The following RAB40B variants were observed in gnomAD, a reference collection of about 807,000 sequenced individuals.
The protein encoded by RAB40B is RAB40B, member RAS oncogene family, also known as ras-related protein Rab-40B.
RAB40B carries 21 observed loss-of-function variants against 24.0 expected under a neutral mutation model. The observed-to-expected ratio is 0.88, with a 90% CI of 0.62 to 1.26. The LOEUF (loss-of-function observed/expected upper bound fraction) is 1.26. Among genes scored for constraint, RAB40B ranks in the 50% most tolerant of loss-of-function variants. RAB40B has a pLI of 0.00. For synonymous variants in RAB40B, 167 were observed against 169.8 expected (o/e 0.98, Z 0.13); for missense variants, 348 against 390.5 (o/e 0.89, Z 0.92).
In RAB40B at chr17:82,694,313, T is replaced by A. The variant is rs2046587260; in HGVS notation, c.142+4142A>T. 2.0e-5 allele frequency among the ~76,000 whole-genome samples: 3 copies of A among 151,518 alleles called. No homozygotes were observed. The South Asian group carries it at 6.2e-4, about 31-fold the overall frequency. On this transcript the variant is annotated intron_variant, in intron 1 of 5. Coordinates refer to ENST00000571995, the MANE Select transcript of RAB40B (RefSeq NM_006822.3). Reference sequence around the variant, plus strand: ...GGGAGGCTGAGCTAAGCAGATCACCTGAGGTTAGGGGTTCGAGACCACCCT... The same window carrying A: ...GGGAGGCTGAGCTAAGCAGATCACCAGAGGTTAGGGGTTCGAGACCACCCT...
At chr17:82,676,134 C>G (rs1254472896) in intron 1 of RAB40B, among the ~76,000 whole-genome samples, 1 of 152,168 alleles carries the variant, frequency 6.6e-6, no homozygotes, top group East Asian at 1.9e-4. Context: ...GTGGGACGCA[C>G]TCACCACAGC....
intron 3 of RAB40B, among the ~76,000 whole-genome samples, chr17:82,660,494 C>T (rs548517246): frequency 2.8e-4 from 42 of 152,146 alleles, no homozygotes; most frequent in African/African-American, 9.4e-4. Context: ...TGTACACATA[C>T]ACGCACATGC....
intron 1 of RAB40B, among the ~76,000 whole-genome samples, chr17:82,687,670 G>A (rs1350802560): frequency 3.9e-5 from 6 of 152,222 alleles, no homozygotes; most frequent in Non-Finnish European, 8.8e-5. Context: ...GCCAGCTTCT[G>A]TGAGAGGTGC....
Position 82,663,975 on chromosome 17 carries a change from G to A in RAB40B, c.203+521C>T, listed in dbSNP as rs1033023809. Among the ~76,000 whole-genome samples, 80 of 151,442 alleles carry A rather than the reference G, an allele frequency of 5.3e-4. No homozygotes were observed. The highest frequency in any genetic ancestry group is 1.9e-3 in the African/African-American group (77 of 41,280). On this transcript the variant is annotated intron_variant, in intron 2 of 5. Transcript: ENST00000571995. This position sits in a 1 kb window ranked among gnomAD's most constrained non-coding sequence, Gnocchi z 6.2. ...GGCTGGGGGTGCTCCCCGGGGCGCT[G>A]TGCCGACGGTGGTGGTGGGAGGGTG... is the stretch of plus-strand genomic sequence containing the variant.
At chr17:82,689,339 G>A (rs1260353360) in intron 1 of RAB40B, among the ~76,000 whole-genome samples, 2 of 152,268 alleles carry the variant, frequency 1.3e-5, no homozygotes, top group Non-Finnish European at 2.9e-5. Flanking sequence ...ACAGGCTGGT[G>A]ACAGGGGACT....
At chr17:82,680,915 A>T (rs1367424733) in intron 1 of RAB40B, among the ~76,000 whole-genome samples, 1 of 148,408 alleles carries the variant, frequency 6.7e-6, no homozygotes, top group Non-Finnish European at 1.5e-5. Flanking sequence ...CTGTAGTCCC[A>T]GCTACTCAGG....
At position 82,661,045 on chromosome 17, in the gene RAB40B, T is replaced by A; in HGVS notation, c.206A>T (p.Asp69Val). Residue 69 changes from aspartate (D) to valine (V), a missense_variant and splice_region_variant, in exon 3 of 6, where the codon GAT becomes GTT. By Grantham distance (152) the Asp-to-Val change is radical. This residue lies in a region of RAB40B where 126 missense variants were observed against 181.0 expected (regional missense o/e 0.70). Coordinates refer to ENST00000571995, the MANE Select transcript of RAB40B (RefSeq NM_006822.3). Reference sequence around the variant, plus strand: ...ACAAAATCTTCCCTGGCCTGAAGTATCCCTGGAAAAGATGTTGGAGACCAT... The same window carrying A: ...ACAAAATCTTCCCTGGCCTGAAGTAACCCTGGAAAAGATGTTGGAGACCAT... ...DGRRVKLQLW[D>V]TSGQGRFCTI... 6.2e-7 allele frequency: 1 copy of A among 1,613,958 alleles called. No homozygotes were observed. The highest frequency in any genetic ancestry group is 8.5e-7 in the Non-Finnish European group (1 of 1,179,952).
At chr17:82,689,013 G>C (rs1479130344) in intron 1 of RAB40B, among the ~76,000 whole-genome samples, 2 of 152,240 alleles carry the variant, frequency 1.3e-5, no homozygotes, top group African/African-American at 2.4e-5. Flanking sequence ...GGATGCTGTT[G>C]TTCTTTTCAG....
intron 1 of RAB40B, among the ~76,000 whole-genome samples, chr17:82,691,176 C>T (rs569344842): frequency 6.6e-6 from 1 of 152,298 alleles, no homozygotes; most frequent in African/African-American, 2.4e-5. Context: ...GATGATTCCC[C>T]CTCTCAGTAA....
Position 82,698,634 on chromosome 17 carries a change from G to T in RAB40B, c.-38C>A. 7 of 1,340,370 alleles carry T rather than the reference G, an allele frequency of 5.2e-6. No individual in the cohort carries two copies. Among genetic ancestry groups the T allele is most frequent in the South Asian group, 1.8e-5 (1 of 56,620 alleles). The allele number at this position is 1,340,370 out of a possible 1,614,324, so 83.0% of individuals were successfully genotyped here. On this transcript the variant is annotated 5_prime_UTR_variant, in exon 1 of 6. Coordinates refer to ENST00000571995, the MANE Select transcript of RAB40B (RefSeq NM_006822.3). ...GCGCCCCCACCCATGCCCGGCCTGC[G>T]GGGCTGAGCGCAGAGGCGGCGGCCC... is the stretch of plus-strand genomic sequence containing the variant.
In RAB40B at chr17:82,658,104, G is replaced by T; in HGVS notation, c.596C>A (p.Ala199Glu). The change falls in exon 6 of 6, where the codon GCG becomes GAG. Residue 199 changes from alanine to glutamate, a missense_variant. Ala to Glu is a moderately radical substitution (Grantham distance 107). Around this residue, in one of 3 missense-constraint regions of RAB40B, gnomAD observed 121 missense variants for 124.0 expected, o/e 0.98. Coordinates refer to ENST00000571995, the MANE Select transcript of RAB40B (RefSeq NM_006822.3). ...GTGCACCGGCGTGCAGGACACGACC[G>T]CCCGGCAGCAGAGGTCTTGCAAGCT... ...VLSLQDLCCR[A>E]VVSCTPVHLV... 9 of 1,614,126 alleles carry T rather than the reference G, an allele frequency of 5.6e-6. No homozygotes were observed. Among genetic ancestry groups the T allele is most frequent in the Non-Finnish European group, 7.6e-6 (9 of 1,180,016 alleles).
intron 1 of RAB40B, among the ~76,000 whole-genome samples, chr17:82,685,787 A>G (rs932094033): frequency 2.0e-4 from 30 of 150,050 alleles, no homozygotes; most frequent in Admixed American, 6.7e-5. Context: ...ATTCGGAAAC[A>G]GGATCTCTTC....
At position 82,661,054 on chromosome 17, in the gene RAB40B, A is replaced by G; in HGVS notation, c.204-7T>C. On this transcript the variant is annotated splice_polypyrimidine_tract_variant and splice_region_variant and intron_variant, in intron 2 of 5. Transcript: ENST00000571995. ...TCCCTGGCCTGAAGTATCCCTGGAA[A>G]AGATGTTGGAGACCATTAAGAAGAA... 1 of 1,613,926 alleles carries G rather than the reference A, an allele frequency of 6.2e-7. No individual in the cohort carries two copies. The highest frequency in any genetic ancestry group is 8.5e-7 in the Non-Finnish European group (1 of 1,179,950).
intron 1 of RAB40B, among the ~76,000 whole-genome samples, chr17:82,677,406 C>T (rs960792056): frequency 6.6e-6 from 1 of 152,196 alleles, no homozygotes; most frequent in Non-Finnish European, 1.5e-5. Context: ...TGGTTTCTCC[C>T]GTCCCAACAG....
At chr17:82,673,504 G>GA (rs2046361347) in intron 1 of RAB40B, among the ~76,000 whole-genome samples, 1 of 152,194 alleles carries the variant, frequency 6.6e-6, no homozygotes, top group Non-Finnish European at 1.5e-5. Flanking sequence ...GTGCATGGAA[G>GA]AAGGTAGTAT....
intron 5 of RAB40B, 155 bp downstream of exon 5, chr17:82,658,336 G>C: frequency 9.3e-7 from 1 of 1,080,942 alleles, no homozygotes; most frequent in Non-Finnish European, 1.3e-6. Context: ...TTCTGACAAA[G>C]CTGTAGTCAT....
chr17:82,688,953 T>A (rs1464811169), intron 1 of RAB40B, among the ~76,000 whole-genome samples: 2 of 152,290 alleles, frequency 1.3e-5, no homozygotes, highest in East Asian at 3.9e-4. Flanking sequence ...TTAAAAATTG[T>A]TTTGTTTGAT....
rs1225249087 is a variant in RAB40B, at chr17:82,663,423, C to T, written c.203+1073G>A. Among the ~76,000 whole-genome samples the T allele has an allele frequency of 1.3e-5, 2 of 151,986 alleles. No individual in the cohort carries two copies. The highest frequency in any genetic ancestry group is 2.9e-5 in the Non-Finnish European group (2 of 67,930). The stretch of plus-strand genomic sequence containing the variant: ...GCCCCAGGATGAGGCACCGCAGGAG[C>T]CCCCCATCCCCACCGCCCCAGAGCT... On this transcript the variant is annotated intron_variant, in intron 2 of 5. Coordinates refer to ENST00000571995, the MANE Select transcript of RAB40B (RefSeq NM_006822.3). This position sits in a 1 kb window ranked among gnomAD's most constrained non-coding sequence, Gnocchi z 6.2.
At chr17:82,676,479 C>T (rs1267861230) in intron 1 of RAB40B, among the ~76,000 whole-genome samples, 1 of 151,096 alleles carries the variant, frequency 6.6e-6, no homozygotes, top group Non-Finnish European at 1.5e-5. Flanking sequence ...ACAGCCTCTC[C>T]TCACCCACAC....
Sources: allele counts gnomAD v4.1 joint callset (sites outside exome capture counted in the v4.1 genomes callset), GRCh38; gene constraint gnomAD v4.1.1; regional missense constraint gnomAD v4.1.1; non-coding constraint Gnocchi (gnomAD v3.1); transcripts MANE v1.5; gene names NCBI Gene and HGNC (gene_info 2026-07-23, HGNC 2026-07-21).